PLAAT2: variants seen among roughly 807,000 people sequenced by gnomAD.
PLAAT2 encodes the protein phospholipase A and acyltransferase 2, also known as HRAS like suppressor 2.
A neutral mutation model predicts 12.8 loss-of-function variants in PLAAT2; 12 were observed. The ratio of observed to expected loss-of-function variants is 0.94; its 90% CI spans 0.60 to 1.52. The LOEUF is 1.52. Ranked by LOEUF, PLAAT2 falls within the 40% of genes most tolerant of loss-of-function variation. The pLI, the probability that PLAAT2 is intolerant of heterozygous loss-of-function variation, is 0.00. For missense variants in PLAAT2, 166 were observed against 208.1 expected (o/e 0.80, Z 1.24); for synonymous variants, 79 against 86.8 (o/e 0.91, Z 0.50).
Position 63,553,019 on chromosome 11 carries a change from G to C in PLAAT2, c.434C>G (p.Ala145Gly), listed in dbSNP as rs375901235. The C allele has an allele frequency of 1.5e-5, 25 of 1,613,832 alleles. No individual in the cohort carries two copies. Among genetic ancestry groups the C allele is most frequent in the Non-Finnish European group, 1.8e-5 (21 of 1,179,962 alleles). The change falls in exon 4 of 4, where the codon GCT (alanine) becomes GGT (glycine). Residue 145 changes from alanine to glycine, a missense_variant. Ala to Gly is a moderately conservative substitution (Grantham distance 60). Transcript: ENST00000255695. Reference sequence around the variant, plus strand: ...CAGGATCCCCACAAGGCTTGCGGCAGCCAGCAGGCCTGCTGCCACACCTAC... The same window carrying C: ...CAGGATCCCCACAAGGCTTGCGGCACCCAGCAGGCCTGCTGCCACACCTAC... ...TTVGVAAGLL[A>G]AASLVGILLA...
intron 3 of PLAAT2, 57 bp downstream of exon 3, chr11:63,558,335 C>T: frequency 6.3e-7 from 1 of 1,592,818 alleles, no homozygotes; most frequent in South Asian, 1.1e-5. Context: ...GACCCAGCCT[C>T]TGGCAGCTGA....
At chr11:63,555,874 G>A (rs1429974934) in intron 3 of PLAAT2, among the ~76,000 whole-genome samples, 1 of 152,184 alleles carries the variant, frequency 6.6e-6, no homozygotes. Flanking sequence ...ATGTTTCAAA[G>A]GGACAGAGGA....
intron 3 of PLAAT2, 33 bp downstream of exon 3, chr11:63,558,359 C>T (rs1456152628): frequency 1.2e-6 from 2 of 1,606,644 alleles, no homozygotes; most frequent in Admixed American, 3.3e-5. Flanking sequence ...AGTGGCCTGG[C>T]TCCTGGGAAG....
At chr11:63,563,619 C>T (rs1249446880), upstream of PLAAT2, among the ~76,000 whole-genome samples, 7 of 1,362 alleles carry the variant, frequency 5.1e-3, no homozygotes, top group Non-Finnish European at 7.7e-3. Flanking sequence ...CTCCAGAGGC[C>T]GAGGCAGGAA....
chr11:63,558,506 T>G lies in PLAAT2; in HGVS notation c.273A>C (p.Lys91Asn). 1 of 1,614,176 alleles carries G rather than the reference T, an allele frequency of 6.2e-7. No homozygotes were observed. Among genetic ancestry groups the G allele is most frequent in the Non-Finnish European group, 8.5e-7 (1 of 1,180,034 alleles). ...CCAACTCCTCTGCCCGCTTGACGAT[T>G]TTGTTGGAAGGCAGTGGTGTGTATC... ...DDRYTPLPSNKIVKRAEELVG... is the reference protein window; with the variant it reads ...DDRYTPLPSNNIVKRAEELVG... The change falls in exon 3 of 4, where the codon AAA (lysine) becomes AAC (asparagine). Residue 91 changes from lysine to asparagine, a missense_variant. Lys to Asn is a moderately conservative substitution (Grantham distance 94). Transcript: ENST00000255695.
intron 1 of PLAAT2, among the ~76,000 whole-genome samples, chr11:63,561,273 G>C (rs1299412843): frequency 1.3e-5 from 2 of 152,196 alleles, no homozygotes; most frequent in Admixed American, 6.5e-5. Flanking sequence ...TAAGCTATGA[G>C]GACGCAAAGG....
chr11:63,563,227 G>A, intron 1 of PLAAT2, 89 bp downstream of exon 1: 1 of 1,494,850 alleles, frequency 6.7e-7, no homozygotes. Context: ...CCATGCCAGA[G>A]CTGTAGACCA....
Position 63,558,679 on chromosome 11 carries a change from CAGT to C in PLAAT2, c.119-22_119-20del. On this transcript the variant is annotated intron_variant, in intron 2 of 3. Transcript: ENST00000255695. Reference sequence around the variant, plus strand: ...ATTTCACCTGTGCAAACAGTGAGTTCAGTCCTGGGCAGGGCCTGGGGGGCTCAG... The same window carrying C: ...ATTTCACCTGTGCAAACAGTGAGTTCCCTGGGCAGGGCCTGGGGGGCTCAG... 1 of 1,612,490 alleles carries C rather than the reference CAGT, an allele frequency of 6.2e-7. No individual in the cohort carries two copies. Among genetic ancestry groups the C allele is most frequent in the Non-Finnish European group, 8.5e-7 (1 of 1,178,832 alleles).
chr11:63,561,361 G>A (rs1346613027), intron 1 of PLAAT2, among the ~76,000 whole-genome samples: 1 of 152,114 alleles, frequency 6.6e-6, no homozygotes, highest in African/African-American at 2.4e-5. Context: ...CTACACACTG[G>A]GGCTGGGTGT....
rs556196708 is a variant in PLAAT2, at chr11:63,560,799, G to T, written c.10-606C>A. Among the ~76,000 whole-genome samples the T allele has an allele frequency of 5.9e-5, 9 of 152,366 alleles. No homozygotes were observed. In the South Asian group the frequency reaches 1.9e-3, roughly 32 times the overall value. ...GCAGGAATGAAGGGTAGGGCTGAAT[G>T]TTTCCAACATTAATGCCTTTAACCA... On this transcript the variant is annotated intron_variant, in intron 1 of 3. Transcript: ENST00000255695.
At chr11:63,558,688 G>C (rs1473628125) in intron 2 of PLAAT2, 28 bp from the exon 3 acceptor site, 1 of 1,611,698 alleles carries the variant, frequency 6.2e-7, no homozygotes. Flanking sequence ...TCAGTCCTGG[G>C]CAGGGCCTGG....
chr11:63,558,218 C>T (rs1461510023), intron 3 of PLAAT2, among the ~76,000 whole-genome samples, 174 bp downstream of exon 3: 8 of 152,120 alleles, frequency 5.3e-5, no homozygotes, highest in African/African-American at 1.9e-4. Flanking sequence ...TGCCTATCTC[C>T]CCACCCTTGT....
chr11:63,552,904 C>A lies in PLAAT2; in HGVS notation c.*60G>T. 8.6e-7 allele frequency: 1 copy of A among 1,167,548 alleles called. No individual in the cohort carries two copies. 72.3% of individuals were successfully genotyped at this position (1,167,548 alleles called of 1,614,324 possible). On this transcript the variant is annotated 3_prime_UTR_variant, in exon 4 of 4. Coordinates refer to ENST00000255695, the MANE Select transcript of PLAAT2 (RefSeq NM_017878.2). ...AAAATCAGTAAACCAAACTCCACTC[C>A]TGCTGGCTAAATAATATTCCTCCGT...
intron 3 of PLAAT2, among the ~76,000 whole-genome samples, chr11:63,555,654 C>T (rs1301262115): frequency 6.6e-6 from 1 of 152,234 alleles, no homozygotes; most frequent in East Asian, 1.9e-4. Context: ...GATCACATTT[C>T]AGTGAAGCAC....
At chr11:63,556,789 T>G (rs2017470146) in intron 3 of PLAAT2, among the ~76,000 whole-genome samples, 1 of 152,168 alleles carries the variant, frequency 6.6e-6, no homozygotes, top group Non-Finnish European at 1.5e-5. Flanking sequence ...ACACTCCTAG[T>G]CACCAGTAAG....
intron 1 of PLAAT2, among the ~76,000 whole-genome samples, chr11:63,562,501 T>C (rs1370364151): frequency 2.0e-5 from 3 of 152,364 alleles, no homozygotes; most frequent in Non-Finnish European, 4.4e-5. Flanking sequence ...TGTGTTCACG[T>C]ATTTCTCCTG....
At chr11:63,553,730 G>A (rs994947029) in intron 3 of PLAAT2, among the ~76,000 whole-genome samples, 1 of 152,188 alleles carries the variant, frequency 6.6e-6, no homozygotes, top group African/African-American at 2.4e-5. Context: ...AATGTTCTAG[G>A]TCAGGGCTGG....
At chr11:63,564,972 T>C (rs1446015343), upstream of PLAAT2, among the ~76,000 whole-genome samples, 2 of 152,154 alleles carry the variant, frequency 1.3e-5, no homozygotes, top group Non-Finnish European at 1.5e-5. Flanking sequence ...ATGCTGGGGC[T>C]TGTGGCTTTT....
intron 1 of PLAAT2, among the ~76,000 whole-genome samples, chr11:63,562,718 G>A (rs2017529430): frequency 6.6e-6 from 1 of 152,168 alleles, no homozygotes; most frequent in Non-Finnish European, 1.5e-5. Flanking sequence ...GAAGTGTTTA[G>A]CATGGTGTCT....
Sources: gnomAD v4.1 joint callset for allele counts (sites outside exome capture counted in the v4.1 genomes callset) on GRCh38, gnomAD v4.1.1 for gene constraint, MANE v1.5 for transcripts, NCBI Gene and HGNC (gene_info 2026-07-23, HGNC 2026-07-21) for gene names.